Variants in SLC39A11 observed in about 807,000 individuals in gnomAD.
The protein encoded by SLC39A11 is solute carrier family 39 member 11.
SLC39A11 carries 33 observed loss-of-function variants against 36.1 expected under a neutral mutation model. The observed-to-expected ratio is 0.91, with a 90% CI of 0.69 to 1.22. The LOEUF (loss-of-function observed/expected upper bound fraction) is 1.22. SLC39A11 is among the 50% of genes most tolerant of loss of function. The pLI is 0.00. For missense variants in SLC39A11, 432 were observed against 430.3 expected (o/e 1.00, Z -0.03); for synonymous variants, 166 against 170.3 (o/e 0.97, Z 0.20).
intron 7 of SLC39A11, among the ~76,000 whole-genome samples, chr17:72,709,040 ATTCTCCTGCCTCAGCCTCCTGAGCAGCT>A (rs1337452068): frequency 6.6e-6 from 1 of 150,400 alleles, no homozygotes; most frequent in Non-Finnish European, 1.5e-5. Flanking sequence ...GGTTCATGCC[ATTCTCCTGCCTCAGCCTCCTGAGCAGCT>A]GGGACTACAG....
intron 3 of SLC39A11, among the ~76,000 whole-genome samples, chr17:73,055,655 G>C (rs1048269380): frequency 6.6e-6 from 1 of 151,910 alleles, no homozygotes; most frequent in South Asian, 2.1e-4. Context: ...AGGGGTGGAG[G>C]GGAGCGGAGA....
chr17:73,084,823 A>C lies in SLC39A11; in HGVS notation c.132T>G (p.Leu44=). The change falls in exon 3 of 10, where the codon CTT becomes CTG. Residue 44 remains leucine, a synonymous_variant. Coordinates refer to ENST00000255559, the MANE Select transcript of SLC39A11 (RefSeq NM_139177.4). ...SGQRRILDGS[L]GFAAGVMLAA... ...TGCTACTTACCCCTGCAGCAAAGCC[A>C]AGACTTCCATCTAAGATCCGCCTCT... 6.2e-7 allele frequency: 1 copy of C among 1,614,174 alleles called. No homozygotes were observed. Among genetic ancestry groups the C allele is most frequent in the South Asian group, 1.1e-5 (1 of 91,080 alleles).
chr17:72,709,217 C>T (rs996991411), intron 7 of SLC39A11, among the ~76,000 whole-genome samples: 3 of 152,074 alleles, frequency 2.0e-5, no homozygotes, highest in Admixed American at 6.5e-5. Context: ...GGATTACAGG[C>T]GTGAGCCACC....
rs145041231 is a variant in SLC39A11 at position 73,029,182 on chromosome 17, G to C, written c.306+2374C>G. On this transcript the variant is annotated intron_variant, in intron 4 of 9. Transcript: ENST00000255559. ...AGCCAATGACTGTTTACACCGCCCA[G>C]AGAAAATCCCTACATTCAGACAGCT... Among the ~76,000 whole-genome samples the C allele has an allele frequency of 6.9e-3, 1,040 of 151,538 alleles. 14 individuals carry two copies. The highest frequency in any genetic ancestry group is 0.024 in the African/African-American group (989 of 41,384).
chr17:72,904,268 CTA>C (rs1357004858), intron 5 of SLC39A11, among the ~76,000 whole-genome samples: 1 of 152,068 alleles, frequency 6.6e-6, no homozygotes, highest in Non-Finnish European at 1.5e-5. Flanking sequence ...CAGTGAGACT[CTA>C]TCTCTAAAAA....
At chr17:73,076,110 A>T (rs1416719055) in intron 3 of SLC39A11, among the ~76,000 whole-genome samples, 1 of 152,068 alleles carries the variant, frequency 6.6e-6, no homozygotes, top group East Asian at 1.9e-4. Flanking sequence ...AGAGGGAATA[A>T]TGACTTTTTT....
chr17:72,867,130 C>T (rs1194864630), intron 5 of SLC39A11, among the ~76,000 whole-genome samples: 1 of 152,134 alleles, frequency 6.6e-6, no homozygotes, highest in African/African-American at 2.4e-5. Context: ...CTAAGGTCCT[C>T]TGATTGGTAG....
chr17:72,973,260 G>C (rs532168672), intron 4 of SLC39A11, among the ~76,000 whole-genome samples: 22 of 152,042 alleles, frequency 1.4e-4, no homozygotes, highest in Admixed American at 5.9e-4. Context: ...TATTTGTCTG[G>C]GTCAGCAGAA....
At chr17:72,968,908 C>T (rs1224812201) in intron 4 of SLC39A11, among the ~76,000 whole-genome samples, 1 of 152,042 alleles carries the variant, frequency 6.6e-6, no homozygotes, top group African/African-American at 2.4e-5. Context: ...TTGTGCCCTG[C>T]GCCTACACCG....
intron 6 of SLC39A11, among the ~76,000 whole-genome samples, chr17:72,778,340 C>T (rs534703224): frequency 6.6e-6 from 1 of 152,358 alleles, no homozygotes; most frequent in South Asian, 2.1e-4. Flanking sequence ...AGCCCCTGGA[C>T]CACACTGCCA....
intron 5 of SLC39A11, among the ~76,000 whole-genome samples, chr17:72,932,882 A>G (rs1334117968): frequency 6.6e-6 from 1 of 152,152 alleles, no homozygotes; most frequent in Non-Finnish European, 1.5e-5. Context: ...TATTCTCTGA[A>G]CTCCAAATCT....
At chr17:72,855,879 A>G (rs1338768347) in intron 5 of SLC39A11, among the ~76,000 whole-genome samples, 1 of 152,044 alleles carries the variant, frequency 6.6e-6, no homozygotes, top group Non-Finnish European at 1.5e-5. Context: ...CCTGGGCGAC[A>G]AAGCGAGAAT....
Position 73,088,071 on chromosome 17 carries a change from G to A in SLC39A11, c.108+586C>T, listed in dbSNP as rs911641862. Among the ~76,000 whole-genome samples, 5 of 152,218 alleles carry A rather than the reference G, an allele frequency of 3.3e-5. No homozygotes were observed. The South Asian group carries it at 6.2e-4, about 19-fold the overall frequency. ...TGCAATCCCAGCACTGTGGGAGGCC[G>A]AGGTGGGTGGATCATCTGAGGTCAG... On this transcript the variant is annotated intron_variant, in intron 2 of 9. Coordinates refer to ENST00000255559, the MANE Select transcript of SLC39A11 (RefSeq NM_139177.4).
intron 6 of SLC39A11, among the ~76,000 whole-genome samples, chr17:72,822,887 T>G (rs1463924167): frequency 6.6e-6 from 1 of 150,908 alleles, no homozygotes; most frequent in Non-Finnish European, 1.5e-5. Context: ...GCTAATTTTT[T>G]TATTTTTTGT....
At chr17:73,066,950 G>A (rs533594972) in intron 3 of SLC39A11, among the ~76,000 whole-genome samples, 5 of 152,234 alleles carry the variant, frequency 3.3e-5, no homozygotes, top group East Asian at 3.9e-4. Context: ...TATTTTTATC[G>A]TATATCCTTT....
intron 6 of SLC39A11, among the ~76,000 whole-genome samples, chr17:72,785,906 T>C (rs2144971694): frequency 6.6e-6 from 1 of 152,212 alleles, no homozygotes; most frequent in South Asian, 2.1e-4. Context: ...GAAAATATGT[T>C]AGCTTGGCTA....
At chr17:73,012,277 A>C (rs909262455) in intron 4 of SLC39A11, among the ~76,000 whole-genome samples, 1 of 152,088 alleles carries the variant, frequency 6.6e-6, no homozygotes, top group African/African-American at 2.4e-5. Context: ...CTGTCTCAAA[A>C]ATAAAATAAA....
At chr17:72,888,377 C>T (rs188756783) in intron 5 of SLC39A11, among the ~76,000 whole-genome samples, 24 of 152,286 alleles carry the variant, frequency 1.6e-4, no homozygotes, top group African/African-American at 5.3e-4. Flanking sequence ...TAGATCTGAA[C>T]AAAGCCACTC....
At chr17:72,660,050 G>A (rs1035378256) in intron 7 of SLC39A11, among the ~76,000 whole-genome samples, 4 of 152,162 alleles carry the variant, frequency 2.6e-5, no homozygotes, top group African/African-American at 9.7e-5. Flanking sequence ...GCAGATGCCT[G>A]TGCTGAGTGA....
Sources: gnomAD v4.1 joint callset for allele counts (sites outside exome capture counted in the v4.1 genomes callset) on GRCh38, gnomAD v4.1.1 for gene constraint, MANE v1.5 for transcripts, NCBI Gene and HGNC (gene_info 2026-07-23, HGNC 2026-07-21) for gene names.